Variants in SGK1 observed in about 807,000 individuals in gnomAD.
The protein encoded by SGK1 is serum/glucocorticoid regulated kinase 1.
A neutral mutation model predicts 64.2 loss-of-function variants in SGK1; 26 were observed. That is an observed-to-expected ratio of 0.40 (90% CI 0.30 to 0.56). SGK1 has a LOEUF of 0.56. Ranked by LOEUF, SGK1 falls within the 20% of genes least tolerant of loss-of-function variation. The probability of loss-of-function intolerance (pLI) is 0.38; values close to 1 mark genes in which losing one functional copy is unlikely to be tolerated. For synonymous variants in SGK1, 265 were observed against 239.7 expected (o/e 1.11, Z -0.98); for missense variants, 519 against 645.6 (o/e 0.80, Z 2.12).
chr6:134,300,632 GT>G (rs775160946), intron 1 of SGK1, among the ~76,000 whole-genome samples: 6,154 of 120,766 alleles, frequency 0.051, 150 homozygotes, highest in Non-Finnish European at 0.075. Flanking sequence ...TAAATGTTTG[GT>G]TTTTTTTTTT....
intron 3 of SGK1, among the ~76,000 whole-genome samples, chr6:134,190,861 T>C (rs1246493190): frequency 6.6e-6 from 1 of 152,214 alleles, no homozygotes; most frequent in African/African-American, 2.4e-5. Context: ...CTTAGCTGGA[T>C]TACTTCTAGG....
chr6:134,187,361 A>G (rs1775441706), intron 3 of SGK1, among the ~76,000 whole-genome samples: 1 of 152,216 alleles, frequency 6.6e-6, no homozygotes, highest in African/African-American at 2.4e-5. Context: ...TCGTGGGAAC[A>G]GAAAGCAAAA....
In SGK1 at chr6:134,171,379, G is replaced by A. The variant is rs1054879972; in HGVS notation, c.1168-201C>T. The A allele has an allele frequency of 1.3e-5, 8 of 622,164 alleles. No individual in the cohort carries two copies. In the Admixed American group the frequency reaches 1.7e-4, roughly 14 times the overall value. 38.5% of individuals were successfully genotyped at this position (622,164 alleles called of 1,614,324 possible). The stretch of plus-strand genomic sequence containing the variant: ...GTGTTTGTGTGTGTGTGTGTGGAGG[G>A]TGAGGGGGTAGATGTTAATAAGTGG... On this transcript the variant is annotated intron_variant, in intron 11 of 13. Coordinates refer to ENST00000367858, the MANE Select transcript of SGK1 (RefSeq NM_001143676.3).
At chr6:134,284,999 C>T (rs902845254) in intron 1 of SGK1, among the ~76,000 whole-genome samples, 1 of 152,176 alleles carries the variant, frequency 6.6e-6, no homozygotes, top group South Asian at 2.1e-4. Context: ...TATAAATATG[C>T]ATGTTCATGT....
At chr6:134,278,609 A>AT (rs889474600) in intron 1 of SGK1, among the ~76,000 whole-genome samples, 18 of 151,174 alleles carry the variant, frequency 1.2e-4, no homozygotes, top group South Asian at 2.1e-4. Flanking sequence ...TCTGTATTCT[A>AT]TTTTTTTTTC....
At chr6:134,175,639 A>G in intron 3 of SGK1, 7 of 1,526,332 alleles carry the variant, frequency 4.6e-6, no homozygotes, top group Non-Finnish European at 6.2e-6. Context: ...GGCTCTGGCC[A>G]GCGCGCCCTG....
At chr6:134,262,179 A>C in intron 1 of SGK1, 31 bp from the exon 2 acceptor site, 1 of 1,473,726 alleles carries the variant, frequency 6.8e-7, no homozygotes, top group Non-Finnish European at 9.2e-7. Context: ...GAAAAAACAA[A>C]TGTGTTTGAC....
chr6:134,207,118 C>T (rs1387337269), intron 3 of SGK1, among the ~76,000 whole-genome samples: 4 of 151,424 alleles, frequency 2.6e-5, no homozygotes, highest in Admixed American at 1.3e-4. Flanking sequence ...CCCAGCTACT[C>T]GGGAGGCTGA....
At chr6:134,205,996 T>C (rs1414910002) in intron 3 of SGK1, among the ~76,000 whole-genome samples, 1 of 152,154 alleles carries the variant, frequency 6.6e-6, no homozygotes, top group Admixed American at 6.5e-5. Context: ...TTTAAATGTC[T>C]TCTATTTGCT....
At chr6:134,275,003 C>T (rs376127644) in intron 1 of SGK1, among the ~76,000 whole-genome samples, 6 of 152,106 alleles carry the variant, frequency 3.9e-5, no homozygotes, top group Non-Finnish European at 7.4e-5. Flanking sequence ...GGGGTTTCAC[C>T]GTGTTGACCA....
At chr6:134,226,152 AG>A (rs1776173581) in intron 2 of SGK1, among the ~76,000 whole-genome samples, 1 of 151,708 alleles carries the variant, frequency 6.6e-6, no homozygotes, top group Admixed American at 6.6e-5. Flanking sequence ...GAAGGAAGGA[AG>A]AAGAAAAAAG....
intron 1 of SGK1, among the ~76,000 whole-genome samples, chr6:134,281,623 C>A (rs146965725): frequency 2.6e-5 from 4 of 151,370 alleles, no homozygotes; most frequent in African/African-American, 9.7e-5. Flanking sequence ...GCTCAAATGA[C>A]CCTCCCATCT....
chr6:134,179,246 A>G (rs778270262), intron 3 of SGK1, among the ~76,000 whole-genome samples: 12 of 152,172 alleles, frequency 7.9e-5, no homozygotes, highest in Non-Finnish European at 1.8e-4. Flanking sequence ...ATTGATAACA[A>G]GGCAATATAA....
rs191621527 is a variant in SGK1, at chr6:134,307,669, G to A, written c.69+9723C>T. 1.5e-3 allele frequency among the ~76,000 whole-genome samples: 236 copies of A among 152,300 alleles called. 2 individuals are homozygous for A. The highest frequency in any genetic ancestry group is 2.8e-3 in the Non-Finnish European group (188 of 68,030). ...TTAGGGAAGAATGACAAGAAGAAAG[G>A]TATGTACGTGTTCAGTACAGATGAA... On this transcript the variant is annotated intron_variant, in intron 1 of 13. Coordinates refer to ENST00000367858, the MANE Select transcript of SGK1 (RefSeq NM_001143676.3).
intron 3 of SGK1, chr6:134,177,609 A>G (rs1480861121): frequency 6.8e-7 from 1 of 1,462,774 alleles, no homozygotes; most frequent in Non-Finnish European, 9.6e-7. Context: ...CCCCATGCCA[A>G]GTAACCCCAA....
At position 134,173,543 on chromosome 6, in the gene SGK1, G is replaced by A; in HGVS notation, c.537C>T (p.Asn179=). Reference sequence around the variant, plus strand: ...CATGAGGATTGGACGACGGGCCAAGGTTGATTTGCTGAGAAGGACTTGGCT... The same window carrying A: ...CATGAGGATTGGACGACGGGCCAAGATTGATTTGCTGAGAAGGACTTGGCT... ...SPPPSPSQQI[N]LGPSSNPHAK... Residue 179 remains asparagine, a synonymous_variant, in exon 6 of 14, where the codon AAC becomes AAT. Coordinates refer to ENST00000367858, the MANE Select transcript of SGK1 (RefSeq NM_001143676.3). 10 of 1,608,884 alleles carry A rather than the reference G, an allele frequency of 6.2e-6. No individual in the cohort carries two copies. The highest frequency in any genetic ancestry group is 8.5e-6 in the Non-Finnish European group (10 of 1,178,000).
At chr6:134,209,410 G>A (rs1775849368) in intron 2 of SGK1, among the ~76,000 whole-genome samples, 1 of 152,094 alleles carries the variant, frequency 6.6e-6, no homozygotes, top group Non-Finnish European at 1.5e-5. Flanking sequence ...CTCTAGCCTG[G>A]ACGACAAAGC....
At chr6:134,221,652 ATTT>A (rs200019836) in intron 2 of SGK1, among the ~76,000 whole-genome samples, 1 of 143,898 alleles carries the variant, frequency 6.9e-6, no homozygotes, top group African/African-American at 2.5e-5. Flanking sequence ...GGCACATATA[ATTT>A]TTTTTTTTTT....
chr6:134,184,442 C>T (rs1411545923), intron 3 of SGK1, among the ~76,000 whole-genome samples: 2 of 141,088 alleles, frequency 1.4e-5, no homozygotes, highest in Admixed American at 7.6e-5. Context: ...GAGGCAGAGG[C>T]CGCAGTGAGC....
Sources: allele counts gnomAD v4.1 joint callset (sites outside exome capture counted in the v4.1 genomes callset), GRCh38; gene constraint gnomAD v4.1.1; transcripts MANE v1.5; gene names NCBI Gene and HGNC (gene_info 2026-07-23, HGNC 2026-07-21).